The following ADGRF5 variants were observed in gnomAD, a reference collection of about 807,000 sequenced individuals.
ADGRF5 encodes the protein adhesion G protein-coupled receptor F5, also known as G-protein coupled receptor 116.
ADGRF5 carries 75 observed loss-of-function variants against 132.3 expected under a neutral mutation model. The ratio of observed to expected loss-of-function variants is 0.57; its 90% CI spans 0.47 to 0.69. The LOEUF is 0.69. Among genes scored for constraint, ADGRF5 ranks in the 30% least tolerant of loss-of-function variants. The pLI is 0.00. For missense variants in ADGRF5, 1,516 were observed against 1,630.6 expected (o/e 0.93, Z 1.21); for synonymous variants, 629 against 597.6 (o/e 1.05, Z -0.77).
intron 1 of ADGRF5, among the ~76,000 whole-genome samples, chr6:46,954,435 CAAA>C (rs67742847): frequency 3.1e-5 from 3 of 95,748 alleles, no homozygotes; most frequent in Non-Finnish European, 2.3e-5. Flanking sequence ...ATGCAGAAGC[CAAA>C]AAAAAAAAAA....
chr6:46,929,069 A>G (rs1297706377), intron 1 of ADGRF5, among the ~76,000 whole-genome samples: 1 of 152,194 alleles, frequency 6.6e-6, no homozygotes, highest in Non-Finnish European at 1.5e-5. Flanking sequence ...ACTATTCACA[A>G]TAGCAAAGAC....
Position 46,879,931 on chromosome 6 carries a change from T to C in ADGRF5, c.923A>G (p.Glu308Gly). ...LSSNVSWRYE[E>G]QQLEIQNSSR... ...GCTGTTCTGGATTTCCAACTGCTGT[T>C]CTTCATAGCGCCAAGACACATTGGA... Residue 308 changes from glutamate to glycine, a missense_variant, in exon 9 of 21, where the codon GAA becomes GGA. Glu to Gly is a moderately conservative substitution (Grantham distance 98). This residue lies in a region of ADGRF5 where 945 missense variants were observed against 929.4 expected (regional missense o/e 1.02). Coordinates refer to ENST00000283296, the MANE Select transcript of ADGRF5 (RefSeq NM_001098518.2). 3 of 1,614,032 alleles carry C rather than the reference T, an allele frequency of 1.9e-6. No individual in the cohort carries two copies. The highest frequency in any genetic ancestry group is 2.5e-6 in the Non-Finnish European group (3 of 1,179,890).
intron 9 of ADGRF5, 24 bp from the exon 10 acceptor site, chr6:46,878,429 G>A: frequency 1.5e-6 from 2 of 1,369,518 alleles, no homozygotes; most frequent in Non-Finnish European, 1.0e-6. Flanking sequence ...ACAAAATCAT[G>A]TATTATTATA....
At chr6:46,941,577 T>C (rs1778092046) in intron 1 of ADGRF5, among the ~76,000 whole-genome samples, 2 of 152,068 alleles carry the variant, frequency 1.3e-5, no homozygotes, top group African/African-American at 2.4e-5. Flanking sequence ...AACCAGTGTT[T>C]TAACAAGCTG....
intron 11 of ADGRF5, 52 bp downstream of exon 11, chr6:46,871,791 T>G (rs1771086979): frequency 7.8e-7 from 1 of 1,274,684 alleles, no homozygotes; most frequent in Non-Finnish European, 1.1e-6. Flanking sequence ...CTGGCAGCAC[T>G]TATTTAAGGT....
chr6:46,878,426 C>A (rs1292704419), intron 9 of ADGRF5, 21 bp from the exon 10 acceptor site: 2 of 1,396,524 alleles, frequency 1.4e-6, no homozygotes, highest in African/African-American at 1.4e-5. Flanking sequence ...TACACAAAAT[C>A]ATGTATTATT....
chr6:46,877,529 A>G (rs993025562), intron 10 of ADGRF5, among the ~76,000 whole-genome samples: 3 of 151,986 alleles, frequency 2.0e-5, no homozygotes, highest in African/African-American at 7.3e-5. Context: ...TAAAGGGTTA[A>G]TCATAAACTG....
chr6:46,863,502 C>G (rs1770032349), intron 14 of ADGRF5, among the ~76,000 whole-genome samples: 1 of 152,180 alleles, frequency 6.6e-6, no homozygotes, highest in African/African-American at 2.4e-5. Context: ...TTGAGAATCA[C>G]TGCCATAATC....
chr6:46,929,875 C>G (rs577616256), intron 1 of ADGRF5, among the ~76,000 whole-genome samples: 10 of 152,136 alleles, frequency 6.6e-5, no homozygotes, highest in African/African-American at 2.4e-4. Flanking sequence ...AGGCTGGACA[C>G]AGCAGCACGA....
At chr6:46,907,990 G>C (rs956401165) in intron 1 of ADGRF5, 1 of 152,196 alleles carries the variant, frequency 6.6e-6, no homozygotes, top group African/African-American at 2.4e-5. Context: ...GCAGGCTTTG[G>C]CTGCAGTGTT....
chr6:46,858,659 A>T lies in ADGRF5; in HGVS notation c.3244T>A (p.Cys1082Ser). 6.2e-7 allele frequency: 1 copy of T among 1,614,200 alleles called. No individual in the cohort carries two copies. The highest frequency in any genetic ancestry group is 1.6e-4 in the Middle Eastern group (1 of 6,062). ...GTGGCAGCCACACAGGCTGTCTTGC[A>T]GAGTATGTAGCGATTGTCCTGGATG... The part of the protein sequence containing the change: ...AAIQDNRYIL[C>S]KTACVAATFF... The change falls in exon 17 of 21, where the codon TGC becomes AGC. Residue 1082 changes from cysteine (C) to serine (S), a missense_variant. Transcript: ENST00000283296.
intron 1 of ADGRF5, among the ~76,000 whole-genome samples, chr6:46,915,952 T>G (rs1433738655): frequency 6.6e-6 from 1 of 152,118 alleles, no homozygotes; most frequent in Non-Finnish European, 1.5e-5. Context: ...TCCCTTTCCC[T>G]TTCCCTTTCC....
At chr6:46,948,262 G>T (rs1171590704) in intron 1 of ADGRF5, among the ~76,000 whole-genome samples, 1 of 152,158 alleles carries the variant, frequency 6.6e-6, no homozygotes, top group Non-Finnish European at 1.5e-5. Context: ...CTTGTAAGAA[G>T]CTCAAAACAT....
rs1562148328 is a variant in ADGRF5 at position 46,862,702 on chromosome 6, G to GTTTTTT, written c.2199+185_2199+186insAAAAAA. Among the ~76,000 whole-genome samples, 5 of 34,386 alleles carry GTTTTTT rather than the reference G, an allele frequency of 1.5e-4. 1 individual carries two copies. Among genetic ancestry groups the GTTTTTT allele is most frequent in the African/African-American group, 3.2e-4 (3 of 9,256 alleles). The allele number at this position is 34,386 out of a possible 152,430, so 22.6% of individuals were successfully genotyped here. A position where few individuals can be genotyped will look rare whatever the true frequency, so the allele number is the denominator to read the frequency against. The stretch of plus-strand genomic sequence containing the variant: ...TAGTTGTCTTAGTATTTGAATTGAG[G>GTTTTTT]CTTTTTTTTTTTTTTTTTTTTTTTT... On this transcript the variant is annotated intron_variant, in intron 15 of 20. Transcript: ENST00000283296.
chr6:46,889,580 A>G (rs1014777866), intron 3 of ADGRF5, among the ~76,000 whole-genome samples: 49 of 145,408 alleles, frequency 3.4e-4, no homozygotes, highest in African/African-American at 1.2e-3. Flanking sequence ...ATATATATAT[A>G]TATATATATA....
At chr6:46,936,429 T>C (rs1777832507) in intron 1 of ADGRF5, among the ~76,000 whole-genome samples, 1 of 152,224 alleles carries the variant, frequency 6.6e-6, no homozygotes, top group Admixed American at 6.5e-5. Flanking sequence ...TATCCCTTCA[T>C]GTGAAAGCAT....
chr6:46,901,026 T>C (rs11758970), intron 2 of ADGRF5, among the ~76,000 whole-genome samples: 19,329 of 152,154 alleles, frequency 0.13, 1,401 homozygotes, highest in Non-Finnish European at 0.16. Flanking sequence ...GATTAATAAA[T>C]GTAAGGCCGT....
chr6:46,951,174 A>G lies in ADGRF5; in HGVS notation c.-25+3560T>C, dbSNP rs138345669. ...GGGTAAGAAATTACCAGCAGAAAAC[A>G]TTCAGTTGCTGAAAGGCAGCTGTAG... is the stretch of plus-strand genomic sequence containing the variant. On this transcript the variant is annotated intron_variant, in intron 1 of 20. Coordinates refer to the ADGRF5 transcript ENST00000265417. Among the ~76,000 whole-genome samples, 244 of 152,356 alleles carry G rather than the reference A, an allele frequency of 1.6e-3. 1 individual carries two copies. Among genetic ancestry groups the G allele is most frequent in the African/African-American group, 5.7e-3 (239 of 41,588 alleles).
chr6:46,910,277 G>A (rs1198104212), intron 1 of ADGRF5, among the ~76,000 whole-genome samples: 3 of 152,140 alleles, frequency 2.0e-5, no homozygotes, highest in Non-Finnish European at 2.9e-5. Flanking sequence ...AATTGCTGGT[G>A]GTTATTAATT....
Sources: allele counts gnomAD v4.1 joint callset (sites outside exome capture counted in the v4.1 genomes callset), GRCh38; gene constraint gnomAD v4.1.1; regional missense constraint gnomAD v4.1.1; transcripts MANE v1.5; gene names NCBI Gene and HGNC (gene_info 2026-07-23, HGNC 2026-07-21).